Variants in ROBO1 observed in about 807,000 individuals in gnomAD.
The protein encoded by ROBO1 is roundabout homolog 1.
ROBO1 carries 149 observed loss-of-function variants against 195.9 expected under a neutral mutation model. The observed-to-expected ratio is 0.76, with a 90% CI of 0.67 to 0.87. ROBO1 has a LOEUF of 0.87. Among genes scored for constraint, ROBO1 ranks in the 40% least tolerant of loss-of-function variants. ROBO1 has a pLI of 0.00. For missense variants in ROBO1, 1,933 were observed against 2,068.3 expected, an observed-to-expected ratio of 0.93 and a Z score of 1.27; for synonymous variants, 816 against 733.2, an observed-to-expected ratio of 1.11 and a Z score of -1.82.
intron 3 of ROBO1, among the ~76,000 whole-genome samples, chr3:79,010,239 T>C (rs962214336): frequency 4.6e-5 from 7 of 152,114 alleles, no homozygotes; most frequent in African/African-American, 1.7e-4. Context: ...AAGGGAATAG[T>C]ATAGTGTGTT....
intron 4 of ROBO1, among the ~76,000 whole-genome samples, chr3:78,828,406 T>C (rs2031832513): frequency 6.6e-6 from 1 of 152,208 alleles, no homozygotes; most frequent in Non-Finnish European, 1.5e-5. Context: ...TTTATTGCTG[T>C]AGTCTTCATT....
intron 1 of ROBO1, among the ~76,000 whole-genome samples, chr3:79,592,347 C>A (rs573671064): frequency 1.3e-5 from 2 of 151,806 alleles, no homozygotes; most frequent in African/African-American, 4.8e-5. Context: ...TAAGGTATTA[C>A]GATTAATATT....
At chr3:79,272,228 G>C (rs1407564827) in intron 2 of ROBO1, among the ~76,000 whole-genome samples, 2 of 151,896 alleles carry the variant, frequency 1.3e-5, no homozygotes, top group Non-Finnish European at 2.9e-5. Context: ...AACAATACCA[G>C]GAATATATAG....
chr3:78,766,327 T>C (rs185386015), intron 4 of ROBO1, among the ~76,000 whole-genome samples: 1 of 152,234 alleles, frequency 6.6e-6, no homozygotes, highest in East Asian at 1.9e-4. Context: ...TAGAAGAATA[T>C]AAAAATGGCT....
chr3:78,972,587 C>G (rs541086169), intron 3 of ROBO1, among the ~76,000 whole-genome samples: 9 of 152,254 alleles, frequency 5.9e-5, no homozygotes, highest in African/African-American at 2.2e-4. Flanking sequence ...ATTCATGATT[C>G]GTTTTCTTTC....
intron 29 of ROBO1, 32 bp downstream of exon 29, chr3:78,606,701 T>C (rs1334768411): frequency 1.9e-6 from 3 of 1,600,294 alleles, no homozygotes; most frequent in Non-Finnish European, 2.6e-6. Context: ...ACACTCAATC[T>C]GTATTTATTT....
At chr3:79,705,913 T>G (rs1165201803) in intron 1 of ROBO1, among the ~76,000 whole-genome samples, 4 of 152,136 alleles carry the variant, frequency 2.6e-5, no homozygotes, top group African/African-American at 9.6e-5. Context: ...ATTTATGTAT[T>G]CCATTTTTGG....
chr3:79,480,302 C>G (rs559070159), intron 2 of ROBO1, among the ~76,000 whole-genome samples: 1 of 152,002 alleles, frequency 6.6e-6, no homozygotes, highest in Non-Finnish European at 1.5e-5. Flanking sequence ...TGAACTGGGT[C>G]TTATAGAATA....
At chr3:78,943,025 TA>T (rs2040222625) in intron 3 of ROBO1, among the ~76,000 whole-genome samples, 1 of 151,860 alleles carries the variant, frequency 6.6e-6, no homozygotes, top group Admixed American at 6.6e-5. Context: ...CCATCCTGGT[TA>T]ACATGGTGAA....
At chr3:79,618,955 A>G (rs1944911409) in intron 1 of ROBO1, among the ~76,000 whole-genome samples, 2 of 152,218 alleles carry the variant, frequency 1.3e-5, no homozygotes, top group South Asian at 2.1e-4. Flanking sequence ...AGCGCCAGTC[A>G]CGAACTCAGG....
chr3:79,641,400 A>C (rs967135537), intron 1 of ROBO1, among the ~76,000 whole-genome samples: 1 of 152,098 alleles, frequency 6.6e-6, no homozygotes, highest in Non-Finnish European at 1.5e-5. Context: ...TTAGAATATT[A>C]ATTTTTCTTA....
intron 4 of ROBO1, among the ~76,000 whole-genome samples, chr3:78,781,874 T>C (rs1314581561): frequency 6.6e-6 from 1 of 152,190 alleles, no homozygotes; most frequent in Non-Finnish European, 1.5e-5. Flanking sequence ...GAGTAGTATA[T>C]AGTAAATAAA....
chr3:78,915,083 T>A (rs1446394846), intron 4 of ROBO1, among the ~76,000 whole-genome samples: 1 of 152,102 alleles, frequency 6.6e-6, no homozygotes, highest in East Asian at 1.9e-4. Context: ...GGCACTCTTA[T>A]TCCGCATGTG....
intron 2 of ROBO1, among the ~76,000 whole-genome samples, chr3:79,581,665 A>G (rs1943664848): frequency 6.6e-6 from 1 of 152,134 alleles, no homozygotes; most frequent in Non-Finnish European, 1.5e-5. Context: ...GTTCTCTTTC[A>G]AGGCTTGCCA....
chr3:78,987,114 G>GAA (rs1227554977), intron 3 of ROBO1, among the ~76,000 whole-genome samples: 1 of 105,770 alleles, frequency 9.5e-6, no homozygotes, highest in Non-Finnish European at 1.8e-5. Context: ...TTTCTGGAAG[G>GAA]AAAAAAAAAA....
intron 3 of ROBO1, chr3:79,018,949 CGCG>C: frequency 1.0e-6 from 1 of 988,356 alleles, no homozygotes; most frequent in Non-Finnish European, 1.2e-6. Context: ...GCGGGCCACC[CGCG>C]GCGGCGGCGA....
intron 2 of ROBO1, among the ~76,000 whole-genome samples, chr3:79,485,758 T>G (rs752275315): frequency 1.1e-4 from 17 of 152,202 alleles, no homozygotes; most frequent in Non-Finnish European, 2.1e-4. Context: ...CGCAGACACA[T>G]GTTGGCACTT....
At chr3:78,701,925 G>C (rs749531324) in intron 8 of ROBO1, among the ~76,000 whole-genome samples, 2 of 151,938 alleles carry the variant, frequency 1.3e-5, no homozygotes, top group South Asian at 2.1e-4. Context: ...GTTTATACTG[G>C]CACATTATTT....
intron 1 of ROBO1, among the ~76,000 whole-genome samples, chr3:79,749,697 G>T (rs1314544143): frequency 1.3e-5 from 2 of 152,334 alleles, no homozygotes; most frequent in East Asian, 1.9e-4. Flanking sequence ...CCAAGCCTTA[G>T]CAGCTTCCAT....
Sources: gnomAD v4.1 joint callset for allele counts (sites outside exome capture counted in the v4.1 genomes callset) on GRCh38, gnomAD v4.1.1 for gene constraint, MANE v1.5 for transcripts, NCBI Gene and HGNC (gene_info 2026-07-23, HGNC 2026-07-21) for gene names.